BTG4: variants seen among roughly 807,000 people sequenced by gnomAD.
BTG4 encodes the protein protein BTG4.
In BTG4, 10 loss-of-function variants were observed where a neutral mutation model predicts 19.3. That is an observed-to-expected ratio of 0.52 (90% CI 0.32 to 0.88). BTG4 has a LOEUF of 0.88. Among genes scored for constraint, BTG4 ranks in the 40% least tolerant of loss-of-function variants. The probability of loss-of-function intolerance (pLI) is 0.04; values close to 1 mark genes in which losing one functional copy is unlikely to be tolerated. For synonymous variants in BTG4, 91 were observed against 95.7 expected (o/e 0.95, Z 0.29); for missense variants, 238 against 281.9 (o/e 0.84, Z 1.11).
chr11:111,392,608 A>G, the BTG4 span, among the ~76,000 whole-genome samples: 1 of 152,204 alleles, frequency 6.6e-6, no homozygotes, highest in African/African-American at 2.4e-5. Context: ...CTGCCGGTCC[A>G]GGGATCACAT....
chr11:111,401,713 C>A, the BTG4 span, among the ~76,000 whole-genome samples: 3 of 152,184 alleles, frequency 2.0e-5, no homozygotes, highest in Non-Finnish European at 4.4e-5. Flanking sequence ...GCATCATAAA[C>A]TTAAATTAAA....
chr11:111,451,560 T>C, the BTG4 span, among the ~76,000 whole-genome samples: 1 of 152,146 alleles, frequency 6.6e-6, no homozygotes, highest in Non-Finnish European at 1.5e-5. Context: ...GGGTCGGAAG[T>C]TCGAGACCAG....
chr11:111,451,590 C>T, the BTG4 span, among the ~76,000 whole-genome samples: 5 of 152,238 alleles, frequency 3.3e-5, no homozygotes, highest in Middle Eastern at 3.4e-3. Flanking sequence ...CATGGAGAAA[C>T]CCTGTCTCTA....
At chr11:111,442,456 G>A in the BTG4 span, among the ~76,000 whole-genome samples, 10 of 151,540 alleles carry the variant, frequency 6.6e-5, no homozygotes, top group African/African-American at 1.7e-4. Flanking sequence ...AGCCAAGATC[G>A]AGTCACTGCA....
At chr11:111,429,256 G>A in the BTG4 span, among the ~76,000 whole-genome samples, 1 of 152,198 alleles carries the variant, frequency 6.6e-6, no homozygotes, top group East Asian at 1.9e-4. Flanking sequence ...ACGCTCTCTC[G>A]GTAGAAAGGA....
exon 6 of BTG4, chr11:111,467,530 T>G (rs1176532309): frequency 3.4e-6 from 2 of 580,486 alleles, no homozygotes; most frequent in African/African-American, 1.9e-5. Flanking sequence ...AAAGGATAGG[T>G]TTGGTTTTGT....
intron 1 of BTG4, among the ~76,000 whole-genome samples, chr11:111,502,099 A>T (rs567140882): frequency 6.6e-6 from 1 of 152,170 alleles, no homozygotes; most frequent in South Asian, 2.1e-4. Flanking sequence ...AAGATCTTTT[A>T]AAAATACCAA....
chr11:111,394,521 C>A, the BTG4 span, among the ~76,000 whole-genome samples: 5 of 152,186 alleles, frequency 3.3e-5, no homozygotes, highest in Non-Finnish European at 7.4e-5. Flanking sequence ...ATTGTGAGAC[C>A]CCCCCACCAG....
chr11:111,454,227 C>A, the BTG4 span: 3 of 446,408 alleles, frequency 6.7e-6, no homozygotes, highest in African/African-American at 6.1e-5. Flanking sequence ...TTCCCTCCGA[C>A]CCCCACAGGT....
chr11:111,461,497 G>T, the BTG4 span, among the ~76,000 whole-genome samples: 1 of 152,220 alleles, frequency 6.6e-6, no homozygotes, highest in East Asian at 1.9e-4. Flanking sequence ...GAGGTGGGAG[G>T]ATCACCTGAG....
At chr11:111,510,330 C>T (rs1329648003) in intron 1 of BTG4, among the ~76,000 whole-genome samples, 1 of 152,174 alleles carries the variant, frequency 6.6e-6, no homozygotes, top group Non-Finnish European at 1.5e-5. Context: ...CTACACTCTT[C>T]TTGGCTTCCT....
upstream of BTG4, chr11:111,513,108 G>C (rs375299903): frequency 2.3e-6 from 1 of 426,514 alleles, no homozygotes; most frequent in Non-Finnish European, 5.1e-6. Flanking sequence ...GCGCGGCGTC[G>C]GCGTGGGTCC....
intron 1 of BTG4, among the ~76,000 whole-genome samples, chr11:111,509,460 G>C (rs534473208): frequency 6.6e-6 from 1 of 152,180 alleles, no homozygotes; most frequent in African/African-American, 2.4e-5. Context: ...GAGGCCAAGG[G>C]GGGTGCGGTG....
At chr11:111,506,905 T>C (rs1287966175) in intron 1 of BTG4, among the ~76,000 whole-genome samples, 2 of 151,882 alleles carry the variant, frequency 1.3e-5, no homozygotes, top group Admixed American at 1.3e-4. Flanking sequence ...GAATTTGAGC[T>C]TGAGATTTCA....
chr11:111,474,597 T>C (rs1864287484), intron 5 of BTG4, among the ~76,000 whole-genome samples: 1 of 152,170 alleles, frequency 6.6e-6, no homozygotes, highest in Non-Finnish European at 1.5e-5. Flanking sequence ...TGTGGGTATT[T>C]TCCAGTTTGG....
the BTG4 span, among the ~76,000 whole-genome samples, chr11:111,412,064 A>G: frequency 6.6e-6 from 1 of 152,242 alleles, no homozygotes; most frequent in African/African-American, 2.4e-5. Flanking sequence ...TCCAGTGATT[A>G]GGTTTAAGAA....
In BTG4 at chr11:111,507,339, T is replaced by C. The variant is rs1386262677; in HGVS notation, c.-27+4842A>G. Among the ~76,000 whole-genome samples the C allele has an allele frequency of 2.0e-5, 3 of 152,226 alleles. No individual in the cohort carries two copies. In the East Asian group the frequency reaches 5.8e-4, roughly 29 times the overall value. On this transcript the variant is annotated intron_variant, in intron 1 of 4. Coordinates refer to ENST00000692032, the MANE Select transcript of BTG4 (RefSeq NM_001367975.1). ...TATTGAAACCTTAAAATTACTTTTATAAACCTGAAAATCTGAGGGTTTTTG... is the reference window on the plus strand; with the variant it reads ...TATTGAAACCTTAAAATTACTTTTACAAACCTGAAAATCTGAGGGTTTTTG...
At chr11:111,435,706 G>A in the BTG4 span, among the ~76,000 whole-genome samples, 1 of 152,168 alleles carries the variant, frequency 6.6e-6, no homozygotes, top group Admixed American at 6.5e-5. Flanking sequence ...TCCCCAAGGG[G>A]AGCAGAGATG....
chr11:111,392,284 T>G, the BTG4 span, among the ~76,000 whole-genome samples: 1 of 143,050 alleles, frequency 7.0e-6, no homozygotes, highest in Non-Finnish European at 1.5e-5. Context: ...TTCATGCCAT[T>G]CTCCTGCCTC....
Sources: gnomAD v4.1 joint callset for allele counts (sites outside exome capture counted in the v4.1 genomes callset) on GRCh38, gnomAD v4.1.1 for gene constraint, MANE v1.5 for transcripts, NCBI Gene and HGNC (gene_info 2026-07-23, HGNC 2026-07-21) for gene names.